The following ANK3 variants were observed in gnomAD, a reference collection of about 807,000 sequenced individuals.
ANK3 encodes ankyrin-3.
In ANK3, 57 loss-of-function variants were observed where a neutral mutation model predicts 370.9. That is an observed-to-expected ratio of 0.15 (90% confidence interval 0.12 to 0.19). ANK3 has a LOEUF of 0.19. Ranked by LOEUF, ANK3 falls within the 10% of genes least tolerant of loss-of-function variation. ANK3 has a pLI of 1.00. For missense variants in ANK3, 4,439 were observed against 5,302.1 expected (o/e 0.84, Z 5.06); for synonymous variants, 1,929 against 1,946.3 (o/e 0.99, Z 0.23).
At chr10:60,402,686 C>T (rs1228526823) in intron 2 of ANK3, among the ~76,000 whole-genome samples, 1 of 152,202 alleles carries the variant, frequency 6.6e-6, no homozygotes, top group Non-Finnish European at 1.5e-5. Flanking sequence ...AGGAACATGG[C>T]CAAGCTACCA....
intron 1 of ANK3, among the ~76,000 whole-genome samples, chr10:60,652,987 T>C (rs1173298690): frequency 6.6e-6 from 1 of 152,156 alleles, no homozygotes; most frequent in Admixed American, 6.5e-5. Flanking sequence ...ATATATATTT[T>C]CATTTGTGAA....
chr10:60,069,942 C>T lies in ANK3; in HGVS notation c.10939G>A (p.Gly3647Arg). ...GTGACCATACTTTTATCCCCTTCCC[C>T]CTGGTCCCCTGACTTCCCTTCAGAA... ...HTSEGKSGDQGEGDKSMVTAT... is the reference protein window; with the variant it reads ...HTSEGKSGDQREGDKSMVTAT... Residue 3647 changes from glycine to arginine, a missense_variant, in exon 37 of 44, where the codon GGG becomes AGG. Physicochemically the swap from Gly to Arg is moderately radical, Grantham distance 125 (BLOSUM62 -2). Around this residue, in one of 13 missense-constraint regions of ANK3, gnomAD observed 496 missense variants for 529.3 expected, o/e 0.94. Coordinates refer to ENST00000280772, the MANE Select transcript of ANK3 (RefSeq NM_020987.5). 1 of 1,614,108 alleles carries T rather than the reference C, an allele frequency of 6.2e-7. No individual in the cohort carries two copies. Among genetic ancestry groups the T allele is most frequent in the Non-Finnish European group, 8.5e-7 (1 of 1,180,010 alleles).
chr10:60,528,223 A>G (rs1376895526), intron 2 of ANK3, among the ~76,000 whole-genome samples: 4 of 140,408 alleles, frequency 2.8e-5, no homozygotes, highest in Non-Finnish European at 6.0e-5. Flanking sequence ...CACAACATCT[A>G]CCTCCTGGGT....
rs958212085 is a variant in ANK3, at chr10:60,369,113, A to G, written c.114+20312T>C. Among the ~76,000 whole-genome samples, 3 of 152,148 alleles carry G rather than the reference A, an allele frequency of 2.0e-5. No individual in the cohort carries two copies. In the South Asian group the frequency reaches 6.2e-4, roughly 32 times the overall value. On this transcript the variant is annotated intron_variant, in intron 1 of 43. Transcript: ENST00000280772. ...ACTTCGGTTTAAAAAAAAACTCCCT[A>G]GAAACAGTAAAAACTAACAAGATCT...
chr10:60,165,943 C>G (rs1048521687), intron 23 of ANK3, among the ~76,000 whole-genome samples: 3 of 152,198 alleles, frequency 2.0e-5, no homozygotes, highest in Middle Eastern at 3.4e-3. Context: ...TCCAATGGAC[C>G]TTTTAAAGAT....
intron 29 of ANK3, 151 bp from the exon 30 acceptor site, chr10:60,087,035 C>T (rs2086901760): frequency 3.2e-6 from 2 of 630,982 alleles, no homozygotes; most frequent in South Asian, 4.2e-5. Context: ...ACCTTTCTTA[C>T]TATTTTAGGA....
At chr10:60,557,151 C>T (rs1372059970) in intron 2 of ANK3, among the ~76,000 whole-genome samples, 1 of 152,058 alleles carries the variant, frequency 6.6e-6, no homozygotes, top group African/African-American at 2.4e-5. Flanking sequence ...AGGTATATAC[C>T]CAAAAGAACT....
intron 2 of ANK3, among the ~76,000 whole-genome samples, chr10:60,556,976 T>C (rs115308969): frequency 0.012 from 1,821 of 152,264 alleles, 40 homozygotes; most frequent in African/African-American, 0.042. Flanking sequence ...TTGCTCTCCT[T>C]ATGAGAATCT....
intron 2 of ANK3, among the ~76,000 whole-genome samples, chr10:60,520,770 T>C (rs1446137708): frequency 1.3e-5 from 2 of 152,132 alleles, no homozygotes; most frequent in Admixed American, 6.6e-5. Context: ...ACAGAAATTA[T>C]TTGTCCTTCT....
intron 7 of ANK3, among the ~76,000 whole-genome samples, chr10:60,253,143 C>G (rs1159487981): frequency 3.3e-5 from 5 of 152,168 alleles, no homozygotes; most frequent in Non-Finnish European, 5.9e-5. Flanking sequence ...GCCACTGTCC[C>G]ATATGTACTC....
intron 18 of ANK3, among the ~76,000 whole-genome samples, chr10:60,175,314 C>T (rs1035000740): frequency 2.6e-5 from 4 of 152,222 alleles, no homozygotes; most frequent in African/African-American, 9.6e-5. Context: ...GTGGGCTCCT[C>T]CATTCATCGG....
chr10:60,489,120 T>G (rs1029561213), intron 2 of ANK3, among the ~76,000 whole-genome samples: 1 of 152,158 alleles, frequency 6.6e-6, no homozygotes, highest in South Asian at 2.1e-4. Context: ...TCTCAAGAAA[T>G]GTATAATCCA....
chr10:60,242,166 C>T (rs2097473558), intron 7 of ANK3, among the ~76,000 whole-genome samples: 1 of 152,028 alleles, frequency 6.6e-6, no homozygotes, highest in African/African-American at 2.4e-5. Context: ...CTGGAAGGCC[C>T]CTACAACTGA....
chr10:60,080,960 A>G (rs72818490), intron 35 of ANK3, among the ~76,000 whole-genome samples: 10,719 of 152,316 alleles, frequency 0.07, 536 homozygotes, highest in Non-Finnish European at 0.11. Context: ...CATTCAAGGG[A>G]GAAAGGCACA....
chr10:60,280,572 C>T (rs904326841), intron 1 of ANK3, among the ~76,000 whole-genome samples: 13 of 152,196 alleles, frequency 8.5e-5, no homozygotes, highest in African/African-American at 3.1e-4. Context: ...AAACCACCTA[C>T]TATTGAAATC....
At chr10:60,391,467 A>T (rs893681536), upstream of ANK3, among the ~76,000 whole-genome samples, 1 of 152,230 alleles carries the variant, frequency 6.6e-6, no homozygotes, top group Non-Finnish European at 1.5e-5. Context: ...TGTATTAGTA[A>T]CAGCTGGGGC....
intron 8 of ANK3, among the ~76,000 whole-genome samples, chr10:60,221,943 T>C (rs1200172736): frequency 6.6e-6 from 1 of 152,156 alleles, no homozygotes; most frequent in African/African-American, 2.4e-5. Flanking sequence ...TTATATTCTT[T>C]AGCCATTGTT....
In ANK3 at chr10:60,590,717, A is replaced by G. The variant is rs181066725; in HGVS notation, c.96+24469T>C. On this transcript the variant is annotated intron_variant, in intron 2 of 43. Coordinates refer to the ANK3 transcript ENST00000373827. ...CAGATACTCAAGTCCCTTCTACAAA[A>G]CAGCATAGTATTCGCATATAACCTA... 9.9e-3 allele frequency among the ~76,000 whole-genome samples: 1,513 copies of G among 152,330 alleles called. 16 individuals are homozygous for G. The highest frequency in any genetic ancestry group is 0.014 in the Non-Finnish European group (982 of 68,022).
At chr10:60,696,780 A>T (rs1307378938) in intron 1 of ANK3, among the ~76,000 whole-genome samples, 1 of 145,102 alleles carries the variant, frequency 6.9e-6, no homozygotes. Flanking sequence ...TCTATGACAA[A>T]CCCACAGCCA....
Sources: gnomAD v4.1 joint callset for allele counts (sites outside exome capture counted in the v4.1 genomes callset) on GRCh38, gnomAD v4.1.1 for gene constraint, gnomAD v4.1.1 regional missense constraint, MANE v1.5 for transcripts, NCBI Gene and HGNC (gene_info 2026-07-23, HGNC 2026-07-21) for gene names.